Variants in FIBP observed in about 807,000 individuals in gnomAD.
The protein encoded by FIBP is FGF1 intracellular binding protein, also known as acidic fibroblast growth factor intracellular-binding protein.
Under a neutral mutation model 40.5 loss-of-function variants are expected in FIBP, and 29 were observed. The observed-to-expected ratio is 0.72, with a 90% CI of 0.53 to 0.98. The LOEUF is 0.98. FIBP is among the 50% of genes least tolerant of loss of function. The pLI is 0.00. For missense variants in FIBP, 411 were observed against 470.2 expected, an observed-to-expected ratio of 0.87 and a Z score of 1.16; for synonymous variants, 215 against 191.1, an observed-to-expected ratio of 1.13 and a Z score of -1.03.
Position 65,883,884 on chromosome 11 carries a change from C to T in FIBP, c.*90G>A. 2.6e-6 allele frequency: 3 copies of T among 1,142,708 alleles called. No homozygotes were observed. Among genetic ancestry groups the T allele is most frequent in the Non-Finnish European group, 3.8e-6 (3 of 779,700 alleles). 70.8% of individuals were successfully genotyped at this position (1,142,708 alleles called of 1,614,324 possible). On this transcript the variant is annotated 3_prime_UTR_variant, in exon 10 of 10. Coordinates refer to ENST00000357519, the MANE Select transcript of FIBP (RefSeq NM_004214.5). ...TCAGAGACAGACACAGGCACATCTG[C>T]ACGCCCCCCACTTGCTCCCCGGAGC...
intron 5 of FIBP, 46 bp downstream of exon 5, chr11:65,885,484 T>G (rs1409942501): frequency 6.3e-7 from 1 of 1,595,954 alleles, no homozygotes; most frequent in East Asian, 2.2e-5. Flanking sequence ...AATCAGGTCC[T>G]GAGGATGGGG....
At position 65,886,347 on chromosome 11, in the gene FIBP, AGTG is replaced by A. The variant is rs758298652; in HGVS notation, c.484_486del (p.His162del). ...CTGGCCAACCGGTCAGAGAGGAGGA[AGTG>A]TTGCTGAATATTGTCCACCAGGGAG... On this transcript the variant is annotated inframe_deletion, in exon 4 of 10. Transcript: ENST00000357519. 14 of 1,613,550 alleles carry A rather than the reference AGTG, an allele frequency of 8.7e-6. No homozygotes were observed. The highest frequency in any genetic ancestry group is 5.1e-6 in the Non-Finnish European group (6 of 1,179,738).
intron 3 of FIBP, 153 bp downstream of exon 3, chr11:65,887,447 A>C (rs771828109): frequency 1.0e-5 from 2 of 190,940 alleles, no homozygotes; most frequent in African/African-American, 1.3e-4. Context: ...CTCCATCTCG[A>C]AAAAAAAAAA....
intron 4 of FIBP, chr11:65,886,108 G>A (rs1275905131): frequency 2.0e-6 from 1 of 507,022 alleles, no homozygotes; most frequent in East Asian, 3.3e-5. Flanking sequence ...AGAGGTTGCA[G>A]TGAGCCAAGA....
At chr11:65,885,416 C>A in intron 5 of FIBP, 114 bp downstream of exon 5, 2 of 1,317,860 alleles carry the variant, frequency 1.5e-6, no homozygotes, top group East Asian at 2.3e-5. Flanking sequence ...TGGGTGGGGG[C>A]CATGAACAGG....
Position 65,888,102 on chromosome 11 carries a change from G to A in FIBP, c.116C>T (p.Ser39Leu), listed in dbSNP as rs1244051346. 2.1e-5 allele frequency: 34 copies of A among 1,591,670 alleles called. No homozygotes were observed. Among genetic ancestry groups the A allele is most frequent in the Non-Finnish European group, 2.8e-5 (33 of 1,172,178 alleles). The change falls in exon 2 of 10, where the codon TCG becomes TTG. Residue 39 changes from serine (S) to leucine (L), a missense_variant. Coordinates refer to ENST00000357519, the MANE Select transcript of FIBP (RefSeq NM_004214.5). ...GGCGCCAGTCTGCTCCAGGATTCCC[G>A]AGCGCACCCGCAGGGCCACCGCGTC... ...VTDAVALRVR[S>L]GILEQTGATA...
In FIBP at chr11:65,884,048, A is replaced by G; in HGVS notation, c.1005-5T>C. 6.2e-7 allele frequency: 1 copy of G among 1,612,584 alleles called. No homozygotes were observed. Among genetic ancestry groups the G allele is most frequent in the Non-Finnish European group, 8.5e-7 (1 of 1,179,156 alleles). On this transcript the variant is annotated splice_region_variant and splice_polypyrimidine_tract_variant and intron_variant, in intron 9 of 9. Transcript: ENST00000357519. ...CGGTCCCAGAGGGCCTGGTGTCTGT[A>G]AGAACATGAACAGTGACAGCTGAGT...
rs758895048 is a variant in FIBP at position 65,883,954 on chromosome 11, G to C, written c.*20C>G. 3.1e-6 allele frequency: 5 copies of C among 1,611,626 alleles called. No homozygotes were observed. Among genetic ancestry groups the C allele is most frequent in the Non-Finnish European group, 4.2e-6 (5 of 1,178,224 alleles). The stretch of plus-strand genomic sequence containing the variant: ...CAGAGCAACTTTATTGTCAGCGTGG[G>C]CGGAGCGTTGGGAGGCACCTCAGTC... On this transcript the variant is annotated 3_prime_UTR_variant, in exon 10 of 10. Transcript: ENST00000357519.
chr11:65,883,966 G>T lies in FIBP; in HGVS notation c.*8C>A, dbSNP rs1218521256. The T allele has an allele frequency of 6.2e-7, 1 of 1,613,520 alleles. No homozygotes were observed. Among genetic ancestry groups the T allele is most frequent in the East Asian group, 2.2e-5 (1 of 44,868 alleles). On this transcript the variant is annotated 3_prime_UTR_variant, in exon 10 of 10. Coordinates refer to ENST00000357519, the MANE Select transcript of FIBP (RefSeq NM_004214.5). ...ATTGTCAGCGTGGGCGGAGCGTTGG[G>T]AGGCACCTCAGTCATGATACAGGCG...
chr11:65,883,956 G>A lies in FIBP; in HGVS notation c.*18C>T, dbSNP rs1356601514. ...GAGCAACTTTATTGTCAGCGTGGGC[G>A]GAGCGTTGGGAGGCACCTCAGTCAT... On this transcript the variant is annotated 3_prime_UTR_variant, in exon 10 of 10. Coordinates refer to ENST00000357519, the MANE Select transcript of FIBP (RefSeq NM_004214.5). 42 of 1,611,550 alleles carry A rather than the reference G, an allele frequency of 2.6e-5. No individual in the cohort carries two copies. The highest frequency in any genetic ancestry group is 4.4e-5 in the South Asian group (4 of 90,866).
chr11:65,885,698 G>T, intron 4 of FIBP, 35 bp from the exon 5 acceptor site: 1 of 1,566,228 alleles, frequency 6.4e-7, no homozygotes, highest in South Asian at 1.2e-5. Flanking sequence ...CTTAGGGCTT[G>T]AAATTCCTTC....
Position 65,885,261 on chromosome 11 carries a change from C to T in FIBP, c.647-75G>A, listed in dbSNP as rs760033039. 5 of 1,205,688 alleles carry T rather than the reference C, an allele frequency of 4.1e-6. No individual in the cohort carries two copies. In the African/African-American group the frequency reaches 6.0e-5, roughly 14 times the overall value. 74.7% of individuals were successfully genotyped at this position (1,205,688 alleles called of 1,614,324 possible). On this transcript the variant is annotated intron_variant, in intron 5 of 9. Transcript: ENST00000357519. ...GATAGCCTAAGCCTTTCCTCACCCA[C>T]CACCTTATTTCCCCCCTGGGGACAA...
rs746594129 is a variant in FIBP, at chr11:65,888,112, G to T, written c.106C>A (p.Arg36=). 3.8e-6 allele frequency: 6 copies of T among 1,583,460 alleles called. 1 individual carries two copies. The South Asian group carries it at 5.7e-5, about 15-fold the overall frequency. The change falls in exon 2 of 10, where the codon CGG becomes AGG. Residue 36 remains arginine (R), a synonymous_variant. Coordinates refer to ENST00000357519, the MANE Select transcript of FIBP (RefSeq NM_004214.5). ...TGCTCCAGGATTCCCGAGCGCACCC[G>T]CAGGGCCACCGCGTCGGTCACTGGA... The part of the protein sequence containing the change: ...GYSVTDAVAL[R]VRSGILEQTG...
intron 5 of FIBP, 158 bp downstream of exon 5, chr11:65,885,372 G>T: frequency 1.0e-6 from 1 of 974,672 alleles, no homozygotes; most frequent in Non-Finnish European, 1.6e-6. Flanking sequence ...GACAAGGTGT[G>T]TGTGGGGAAA....
chr11:65,885,317 T>A, intron 5 of FIBP, 131 bp from the exon 6 acceptor site: 1 of 927,926 alleles, frequency 1.1e-6, no homozygotes, highest in Non-Finnish European at 1.7e-6. Context: ...AGAGATGGAG[T>A]GACATGCCCC....
chr11:65,884,680 C>T (rs1307838962), intron 7 of FIBP, 24 bp from the exon 8 acceptor site: 4 of 1,612,398 alleles, frequency 2.5e-6, no homozygotes, highest in African/African-American at 2.7e-5. Flanking sequence ...ATCCTTGGAG[C>T]TCTGCTTTCT....
chr11:65,887,655 T>A lies in FIBP; in HGVS notation c.356A>T (p.Asp119Val). ...TGTTTTGGTGCTGATGTCATCCAGG[T>A]CTTTCTTGGTGCCTTTGGACAGCTT... ...GKKLSKGTKK[D>V]LDDISTKTGI... The change falls in exon 3 of 10, where the codon GAC (aspartate) becomes GTC (valine). Residue 119 changes from aspartate (D) to valine (V), a missense_variant. By Grantham distance (152) the Asp-to-Val change is radical (BLOSUM62 -3). Transcript: ENST00000357519. 1.9e-6 allele frequency: 3 copies of A among 1,614,084 alleles called. No homozygotes were observed. Among genetic ancestry groups the A allele is most frequent in the Non-Finnish European group, 2.5e-6 (3 of 1,180,006 alleles).
rs1372488939 is a variant in FIBP at position 65,886,431 on chromosome 11, C to T, written c.412-9G>A. On this transcript the variant is annotated splice_polypyrimidine_tract_variant and intron_variant, in intron 3 of 9. Transcript: ENST00000357519. ...CGTTTAAAGTTGTCAAACTGCAGGG[C>T]AGTTAGGGTAGAAGAGAGGACTGGT... 1 of 1,598,340 alleles carries T rather than the reference C, an allele frequency of 6.3e-7. No individual in the cohort carries two copies. The highest frequency in any genetic ancestry group is 8.6e-7 in the Non-Finnish European group (1 of 1,165,718).
Position 65,885,524 on chromosome 11 carries a change from C to T in FIBP, c.646+6G>A, listed in dbSNP as rs1027566980. The T allele has an allele frequency of 1.9e-6, 3 of 1,612,470 alleles. No individual in the cohort carries two copies. The highest frequency in any genetic ancestry group is 1.7e-5 in the Admixed American group (1 of 59,822). On this transcript the variant is annotated splice_donor_region_variant and intron_variant, in intron 5 of 9. Transcript: ENST00000357519. ...GTCCAGGCACCTGGGTCAGTGGGGG[C>T]CTCACCGACGGCTCCAAGGGTCCAG...
Sources: gnomAD v4.1 joint callset for allele counts on GRCh38, gnomAD v4.1.1 for gene constraint, MANE v1.5 for transcripts, NCBI Gene and HGNC (gene_info 2026-07-23, HGNC 2026-07-21) for gene names.